The following COX7B2 variants were observed in gnomAD, a reference collection of about 807,000 sequenced individuals.
The protein encoded by COX7B2 is cytochrome c oxidase subunit 7B2, mitochondrial.
For synonymous variants in COX7B2, 37 were observed against 32.1 expected (o/e 1.15, Z -0.51); for missense variants, 109 against 95.9 (o/e 1.14, Z -0.57).
At chr4:46,796,544 G>A (rs1284289709) in intron 2 of COX7B2, among the ~76,000 whole-genome samples, 393 of 110,700 alleles carry the variant, frequency 3.6e-3, no homozygotes, top group African/African-American at 0.015. Context: ...CGATTCCTCA[G>A]GGATCTAGAA....
chr4:46,809,924 A>G (rs538839263), intron 2 of COX7B2, among the ~76,000 whole-genome samples: 27 of 151,966 alleles, frequency 1.8e-4, no homozygotes, highest in Non-Finnish European at 3.8e-4. Flanking sequence ...AGGTGGTCCA[A>G]TGTTGTGTAA....
chr4:46,736,651 T>C (rs182186001), intron 2 of COX7B2, among the ~76,000 whole-genome samples: 2 of 152,280 alleles, frequency 1.3e-5, no homozygotes, highest in Admixed American at 1.3e-4. Context: ...CAACCACTGA[T>C]CTTTTTACTG....
chr4:46,900,274 T>C (rs750128324), intron 1 of COX7B2, among the ~76,000 whole-genome samples: 19 of 152,238 alleles, frequency 1.2e-4, no homozygotes, highest in Non-Finnish European at 2.2e-4. Context: ...GTGGCTCCTC[T>C]GGAGATTTTT....
intron 1 of COX7B2, among the ~76,000 whole-genome samples, chr4:46,907,757 T>C (rs1014363726): frequency 6.7e-6 from 1 of 149,944 alleles, no homozygotes; most frequent in Non-Finnish European, 1.5e-5. Context: ...GATGGCCAAG[T>C]CAGATAACTC....
At chr4:46,855,712 T>C (rs2109789004) in intron 1 of COX7B2, among the ~76,000 whole-genome samples, 1 of 152,292 alleles carries the variant, frequency 6.6e-6, no homozygotes, top group African/African-American at 2.4e-5. Context: ...TTTTACATGA[T>C]ATTAAGATAC....
At chr4:46,761,602 T>G (rs1716149724) in intron 2 of COX7B2, among the ~76,000 whole-genome samples, 1 of 152,154 alleles carries the variant, frequency 6.6e-6, no homozygotes, top group African/African-American at 2.4e-5. Context: ...GGTTACAAAT[T>G]CTTTTACTAT....
chr4:46,903,249 G>A (rs990948369), intron 1 of COX7B2, among the ~76,000 whole-genome samples: 1 of 152,088 alleles, frequency 6.6e-6, no homozygotes, highest in Non-Finnish European at 1.5e-5. Flanking sequence ...AAATCAGAAT[G>A]CTTAGGTAAA....
intron 2 of COX7B2, among the ~76,000 whole-genome samples, chr4:46,811,568 T>C (rs900649009): frequency 6.6e-6 from 1 of 152,232 alleles, no homozygotes; most frequent in Non-Finnish European, 1.5e-5. Context: ...TTATTTCTAT[T>C]ATCTTGTATC....
intron 2 of COX7B2, among the ~76,000 whole-genome samples, chr4:46,738,633 G>A (rs1714514369): frequency 6.6e-6 from 1 of 151,996 alleles, no homozygotes. Flanking sequence ...AATAAATTTT[G>A]TGTTATCAGT....
intron 1 of COX7B2, among the ~76,000 whole-genome samples, chr4:46,882,667 T>C (rs1718820431): frequency 6.6e-6 from 1 of 152,192 alleles, no homozygotes; most frequent in African/African-American, 2.4e-5. Context: ...CATCCCTTTA[T>C]TTTGAGCCTA....
At chr4:46,814,961 G>T (rs145892215) in intron 2 of COX7B2, among the ~76,000 whole-genome samples, 2 of 152,026 alleles carry the variant, frequency 1.3e-5, no homozygotes, top group Non-Finnish European at 2.9e-5. Context: ...CGAAGTGGGC[G>T]AATCACTTCA....
chr4:46,762,879 G>C (rs749453287), intron 2 of COX7B2, among the ~76,000 whole-genome samples: 8 of 145,410 alleles, frequency 5.5e-5, no homozygotes, highest in Admixed American at 1.4e-4. Flanking sequence ...TTGGGATCCT[G>C]TATGCACAAT....
chr4:46,837,829 A>G (rs1190662650), intron 2 of COX7B2, among the ~76,000 whole-genome samples: 1 of 152,064 alleles, frequency 6.6e-6, no homozygotes, highest in Non-Finnish European at 1.5e-5. Context: ...TTTTAGAAAT[A>G]TCAAAGCTCA....
At chr4:46,850,858 T>C (rs1453697576) in intron 1 of COX7B2, among the ~76,000 whole-genome samples, 2 of 152,048 alleles carry the variant, frequency 1.3e-5, no homozygotes, top group African/African-American at 2.4e-5. Context: ...AGGGCCAGAA[T>C]TGACAAGATT....
At chr4:46,882,817 A>ATTTTTT (rs1022319498) in intron 1 of COX7B2, among the ~76,000 whole-genome samples, 3 of 152,074 alleles carry the variant, frequency 2.0e-5, no homozygotes, top group African/African-American at 7.2e-5. Flanking sequence ...TATTTATTAA[A>ATTTTTT]TTTTTTTCAT....
chr4:46,760,331 G>A (rs1388869013), intron 2 of COX7B2, among the ~76,000 whole-genome samples: 1 of 152,042 alleles, frequency 6.6e-6, no homozygotes, highest in Non-Finnish European at 1.5e-5. Flanking sequence ...TGATAGACTG[G>A]ATAAAGAAAA....
At chr4:46,789,799 T>C (rs899074481) in intron 2 of COX7B2, among the ~76,000 whole-genome samples, 2 of 152,180 alleles carry the variant, frequency 1.3e-5, no homozygotes, top group African/African-American at 2.4e-5. Context: ...TAGTCAAAGG[T>C]ATACTCTTTG....
intron 2 of COX7B2, among the ~76,000 whole-genome samples, chr4:46,765,123 C>G (rs1446651287): frequency 6.6e-6 from 1 of 151,754 alleles, no homozygotes; most frequent in Non-Finnish European, 1.5e-5. Flanking sequence ...TGTCCACTCA[C>G]AGAAATCAAT....
intron 1 of COX7B2, among the ~76,000 whole-genome samples, chr4:46,845,287 T>TA (rs1241928517): frequency 9.2e-5 from 14 of 151,912 alleles, no homozygotes; most frequent in Admixed American, 2.0e-4. Flanking sequence ...GTGGTTGAGA[T>TA]AACTCTCTTT....
Sources: gnomAD v4.1 joint callset for allele counts (sites outside exome capture counted in the v4.1 genomes callset) on GRCh38, gnomAD v4.1.1 for gene constraint, MANE v1.5 for transcripts, NCBI Gene and HGNC (gene_info 2026-07-23, HGNC 2026-07-21) for gene names.